Variants in ADARB2 observed in about 807,000 individuals in gnomAD.
The protein encoded by ADARB2 is adenosine deaminase RNA specific B2 (inactive), also known as inactive double-stranded RNA-specific editase B2.
In ADARB2, 25 loss-of-function variants were observed where a neutral mutation model predicts 62.2. The ratio of observed to expected loss-of-function variants is 0.40; its 90% CI spans 0.29 to 0.56. The LOEUF (loss-of-function observed/expected upper bound fraction) is 0.56. ADARB2 is among the 20% of genes least tolerant of loss of function. The pLI, the probability that ADARB2 is intolerant of heterozygous loss-of-function variation, is 0.43. For synonymous variants in ADARB2, 572 were observed against 500.8 expected (o/e 1.14, Z -1.90); for missense variants, 1,071 against 1,077.4 (o/e 0.99, Z 0.08).
At chr10:1,197,076 G>A (rs1836921302) in intron 8 of ADARB2, among the ~76,000 whole-genome samples, 1 of 152,176 alleles carries the variant, frequency 6.6e-6, no homozygotes, top group South Asian at 2.1e-4. Flanking sequence ...AATTTTGTAG[G>A]TTACTCCAAA....
chr10:1,478,740 G>A (rs111411816), intron 1 of ADARB2, among the ~76,000 whole-genome samples: 6 of 136,358 alleles, frequency 4.4e-5, no homozygotes, highest in East Asian at 2.2e-4. Flanking sequence ...ACGGGAGAGC[G>A]CCAAAACAAG....
At chr10:1,642,300 C>A (rs1351124166) in intron 1 of ADARB2, among the ~76,000 whole-genome samples, 1 of 151,464 alleles carries the variant, frequency 6.6e-6, no homozygotes, top group South Asian at 2.1e-4. Flanking sequence ...GTTGAATGAA[C>A]AATCCACCCA....
At chr10:1,609,414 C>T (rs1008583888) in intron 1 of ADARB2, among the ~76,000 whole-genome samples, 41 of 152,370 alleles carry the variant, frequency 2.7e-4, no homozygotes, top group Middle Eastern at 6.8e-3. Context: ...GGCACCCCCA[C>T]CTGCCAGCCC....
intron 1 of ADARB2, among the ~76,000 whole-genome samples, chr10:1,647,091 G>T (rs1375057482): frequency 6.6e-6 from 1 of 152,242 alleles, no homozygotes; most frequent in Admixed American, 6.5e-5. Context: ...TCATTACAGT[G>T]CCTGCTGCTC....
At chr10:1,187,839 T>G (rs1192541937) in intron 8 of ADARB2, 3 of 437,212 alleles carry the variant, frequency 6.9e-6, no homozygotes, top group South Asian at 3.2e-5. Context: ...CATGGGGGCT[T>G]CTTCTCACCA....
At chr10:1,522,141 C>A (rs1358881789) in intron 1 of ADARB2, among the ~76,000 whole-genome samples, 1 of 152,136 alleles carries the variant, frequency 6.6e-6, no homozygotes, top group Admixed American at 6.6e-5. Context: ...TGGTAATCAT[C>A]ATTATTTTAG....
chr10:1,288,890 C>T (rs992138398), intron 3 of ADARB2, among the ~76,000 whole-genome samples: 2 of 150,852 alleles, frequency 1.3e-5, no homozygotes, highest in Admixed American at 1.3e-4. Flanking sequence ...AATTCTAAGG[C>T]CCCCCAACCA....
chr10:1,616,380 C>G (rs2132023917), intron 1 of ADARB2, among the ~76,000 whole-genome samples: 1 of 152,364 alleles, frequency 6.6e-6, no homozygotes, highest in African/African-American at 2.4e-5. Flanking sequence ...TCCAGACACA[C>G]TCTACCCTGA....
At chr10:1,733,716 T>C (rs991114539) in intron 1 of ADARB2, among the ~76,000 whole-genome samples, 1 of 152,234 alleles carries the variant, frequency 6.6e-6, no homozygotes, top group Non-Finnish European at 1.5e-5. Context: ...TATTTTCTAA[T>C]ACAGGCAGAT....
At chr10:1,642,462 T>G (rs1192872199) in intron 1 of ADARB2, among the ~76,000 whole-genome samples, 1 of 152,180 alleles carries the variant, frequency 6.6e-6, no homozygotes, top group African/African-American at 2.4e-5. Flanking sequence ...TTTGGAAAAT[T>G]TATGTCAGTA....
intron 1 of ADARB2, among the ~76,000 whole-genome samples, chr10:1,418,086 G>C (rs997176099): frequency 6.6e-6 from 1 of 152,220 alleles, no homozygotes; most frequent in African/African-American, 2.4e-5. Flanking sequence ...CCCAGGCAAG[G>C]AGGTTCACAA....
At chr10:1,629,415 C>T (rs1833814816) in intron 1 of ADARB2, among the ~76,000 whole-genome samples, 1 of 152,070 alleles carries the variant, frequency 6.6e-6, no homozygotes, top group South Asian at 2.1e-4. Flanking sequence ...TCACTTCCCC[C>T]ATTACCTCCT....
At chr10:1,564,945 C>A (rs2813368) in intron 1 of ADARB2, among the ~76,000 whole-genome samples, 1 of 152,042 alleles carries the variant, frequency 6.6e-6, no homozygotes, top group Non-Finnish European at 1.5e-5. Flanking sequence ...TGAGCAATGG[C>A]TCCTCCAGCG....
intron 1 of ADARB2, among the ~76,000 whole-genome samples, chr10:1,590,826 C>T (rs1366616987): frequency 6.6e-6 from 1 of 152,148 alleles, no homozygotes; most frequent in Non-Finnish European, 1.5e-5. Flanking sequence ...AGACCTGATG[C>T]TCAGCACGGG....
Position 1,415,812 on chromosome 10 carries a change from A to G in ADARB2, c.101-36652T>C, listed in dbSNP as rs74123409. ...TTATCATCTTATGTGAAAAATTATC[A>G]CTTTCTCAATTGCCACCTCTTCCAT... On this transcript the variant is annotated intron_variant, in intron 1 of 9. Coordinates refer to ENST00000381312, the MANE Select transcript of ADARB2 (RefSeq NM_018702.4). Among the ~76,000 whole-genome samples the G allele has an allele frequency of 6.4e-3, 979 of 152,294 alleles. 10 individuals are homozygous for G. The highest frequency in any genetic ancestry group is 0.022 in the African/African-American group (925 of 41,548).
intron 7 of ADARB2, among the ~76,000 whole-genome samples, chr10:1,208,485 C>T (rs577968342): frequency 7.9e-5 from 12 of 152,332 alleles, no homozygotes; most frequent in East Asian, 5.8e-4. Flanking sequence ...TGCAGGCAGC[C>T]GGGCCCCATG....
rs183673168 is a variant in ADARB2 at position 1,471,842 on chromosome 10, T to C, written c.101-92682A>G. ...TCACGAATTTATGGCCGTGTACACA[T>C]GTTAGACATTGAATAACACAGGACC... On this transcript the variant is annotated intron_variant, in intron 1 of 9. Transcript: ENST00000381312. Among the ~76,000 whole-genome samples, 364 of 152,366 alleles carry C rather than the reference T, an allele frequency of 2.4e-3. 10 individuals are homozygous for C. Among genetic ancestry groups the C allele is most frequent in the Admixed American group, 0.022 (343 of 15,300 alleles).
At chr10:1,672,476 G>A (rs1301547522) in intron 1 of ADARB2, among the ~76,000 whole-genome samples, 2 of 152,190 alleles carry the variant, frequency 1.3e-5, no homozygotes, top group Non-Finnish European at 2.9e-5. Context: ...CGCCAGGAAG[G>A]TCCACCTCTG....
intron 1 of ADARB2, among the ~76,000 whole-genome samples, chr10:1,386,068 T>C (rs1832522496): frequency 6.6e-6 from 1 of 152,086 alleles, no homozygotes; most frequent in African/African-American, 2.4e-5. Flanking sequence ...GGGGTAAATA[T>C]AATTATTCTG....
Sources: gnomAD v4.1 joint callset for allele counts (sites outside exome capture counted in the v4.1 genomes callset) on GRCh38, gnomAD v4.1.1 for gene constraint, MANE v1.5 for transcripts, NCBI Gene and HGNC (gene_info 2026-07-23, HGNC 2026-07-21) for gene names.